The following SSR4 variants were observed in gnomAD, a reference collection of about 807,000 sequenced individuals.
SSR4 encodes signal sequence receptor subunit 4.
For missense variants in SSR4, 125 were observed against 148.8 expected (o/e 0.84, Z 0.83); for synonymous variants, 84 against 65.6 (o/e 1.28, Z -1.35).
upstream of SSR4, chrX:153,794,561 G>T (rs782683933): frequency 8.5e-7 from 1 of 1,173,853 alleles, no homozygotes; most frequent in South Asian, 1.9e-5. Flanking sequence ...TGCCAGAGAC[G>T]TCACAATGCC....
chrX:153,794,840 C>T, intron 1 of SSR4, 86 bp downstream of exon 1: 1 of 1,074,929 alleles, frequency 9.3e-7, no homozygotes, highest in Non-Finnish European at 1.3e-6. Flanking sequence ...GGGGGTCCGG[C>T]CTTTCAGGGT....
intron 1 of SSR4, 80 bp downstream of exon 1, chrX:153,794,834 G>A (rs2092129576): frequency 9.1e-7 from 1 of 1,101,364 alleles, no homozygotes; most frequent in Non-Finnish European, 1.2e-6. Flanking sequence ...GGATGCGGGG[G>A]TCCGGCCTTT....
chrX:153,794,390 G>C (rs1179521136), upstream of SSR4: 4 of 1,153,179 alleles, frequency 3.5e-6, no homozygotes, highest in East Asian at 9.7e-5. Flanking sequence ...GAGTTCGACG[G>C]GGTGCGAAGT....
intron 1 of SSR4, chrX:153,795,794 C>T (rs1452104058): frequency 5.3e-6 from 4 of 754,061 alleles, no homozygotes; most frequent in African/African-American, 2.3e-5. Context: ...CTTTGTTTCA[C>T]ACCCTCTGAT....
intron 1 of SSR4, chrX:153,795,493 G>T: frequency 6.4e-6 from 1 of 155,481 alleles, no homozygotes; most frequent in Non-Finnish European, 1.1e-5. Context: ...CTCCTCATCT[G>T]CCCCTCAGGA....
intron 1 of SSR4, chrX:153,795,562 C>A (rs974799058): frequency 2.7e-5 from 14 of 523,600 alleles, no homozygotes; most frequent in African/African-American, 2.6e-4. Context: ...TAAAACCCTT[C>A]GGGGGCTCCC....
intron 1 of SSR4, chrX:153,795,251 C>G (rs2092132514): frequency 8.4e-6 from 1 of 118,813 alleles, no homozygotes; most frequent in African/African-American, 3.2e-5. Flanking sequence ...CTTACCCTTA[C>G]CAGAGTTTTC....
At position 153,796,839 on chromosome X, in the gene SSR4, A is replaced by G. The variant is rs1603258016; in HGVS notation, c.186+287A>G. 8 of 314,574 alleles carry G rather than the reference A, an allele frequency of 2.5e-5. No homozygotes were observed. In the East Asian group the frequency reaches 4.3e-4, roughly 17 times the overall value. The allele number at this position is 314,574 out of a possible 1,213,427, so 25.9% of individuals were successfully genotyped here. ...CAGGAGTCAGCCCACCCCGGTTGCC[A>G]TTGGCCAGTTTGTCTGTGTGGGTGT... On this transcript the variant is annotated intron_variant, in intron 2 of 5. Transcript: ENST00000370086.
At chrX:153,794,854 T>C in intron 1 of SSR4, 100 bp downstream of exon 1, 1 of 1,011,704 alleles carries the variant, frequency 9.9e-7, no homozygotes, top group Non-Finnish European at 1.3e-6. Context: ...TCAGGGTCCG[T>C]CGCTGCGGGC....
chrX:153,797,366 C>T, intron 2 of SSR4, 92 bp from the exon 3 acceptor site: 1 of 836,137 alleles, frequency 1.2e-6, no homozygotes, highest in Non-Finnish European at 1.8e-6. Flanking sequence ...GCCTAGCCTG[C>T]CCACCTGCAG....
At position 153,796,557 on chromosome X, in the gene SSR4, GAC is replaced by G. The variant is rs2092142778; in HGVS notation, c.186+7_186+8del. On this transcript the variant is annotated splice_donor_region_variant and intron_variant, in intron 2 of 5. Coordinates refer to ENST00000370086, the MANE Select transcript of SSR4 (RefSeq NM_006280.3). ...ACATGCAAGAACAGGGTCCAGGTGA[GAC>G]AGTGGGGTTTCAGACAGGAGGGCGG... 1 of 1,173,338 alleles carries G rather than the reference GAC, an allele frequency of 8.5e-7. No homozygotes were observed. The highest frequency in any genetic ancestry group is 1.2e-6 in the Non-Finnish European group (1 of 862,014).
chrX:153,796,884 T>C (rs1371299896), intron 2 of SSR4: 1 of 237,202 alleles, frequency 4.2e-6, no homozygotes, highest in Non-Finnish European at 7.6e-6. Context: ...GTTTTTGTTT[T>C]TTGTTTGTTT....
At chrX:153,797,924 G>A (rs2092151758) in intron 4 of SSR4, 110 bp downstream of exon 4, 1 of 865,612 alleles carries the variant, frequency 1.2e-6, no homozygotes, top group South Asian at 2.3e-5. Context: ...CTGTGATCCT[G>A]TCCCTTCCTC....
Position 153,797,535 on chromosome X carries a change from G to C in SSR4, c.261+3G>C. ...GCCAGGATGTGGGGCGTTATCAGGTGAGGGGCCAATGGTTCCCTTGCTAGG... is the reference window on the plus strand; with the variant it reads ...GCCAGGATGTGGGGCGTTATCAGGTCAGGGGCCAATGGTTCCCTTGCTAGG... On this transcript the variant is annotated splice_donor_region_variant and intron_variant, in intron 3 of 5. Coordinates refer to ENST00000370086, the MANE Select transcript of SSR4 (RefSeq NM_006280.3). 8.3e-7 allele frequency: 1 copy of C among 1,208,561 alleles called. No homozygotes were observed. The highest frequency in any genetic ancestry group is 1.1e-6 in the Non-Finnish European group (1 of 892,349).
At chrX:153,794,866 G>A in intron 1 of SSR4, 112 bp downstream of exon 1, 2 of 946,483 alleles carry the variant, frequency 2.1e-6, no homozygotes, top group Non-Finnish European at 1.4e-6. Context: ...GCTGCGGGCC[G>A]GGCCTTCCCC....
At chrX:153,794,580 C>G (rs1557071630), upstream of SSR4, 2 of 1,185,958 alleles carry the variant, frequency 1.7e-6, no homozygotes, top group Non-Finnish European at 2.3e-6. Flanking sequence ...CCGGCCCAGC[C>G]GTTCGGTGCG....
chrX:153,794,401 T>G (rs1197078752), upstream of SSR4: 4 of 1,144,562 alleles, frequency 3.5e-6, no homozygotes, highest in Non-Finnish European at 4.6e-6. Context: ...GGTGCGAAGT[T>G]TCGGGGACAG....
chrX:153,794,647 A>G (rs375831510), upstream of SSR4: 27 of 1,210,098 alleles, frequency 2.2e-5, no homozygotes, highest in East Asian at 3.0e-5. Flanking sequence ...CCTCGTGTTC[A>G]TGGGAGCTCG....
chrX:153,794,947 C>T, intron 1 of SSR4, 193 bp downstream of exon 1: 3 of 484,764 alleles, frequency 6.2e-6, no homozygotes, highest in Non-Finnish European at 1.0e-5. Context: ...CCAGGCTTTT[C>T]CTTGTCTGCC....
Sources: allele counts gnomAD v4.1 joint callset, GRCh38; gene constraint gnomAD v4.1.1; transcripts MANE v1.5; gene names NCBI Gene and HGNC (gene_info 2026-07-23, HGNC 2026-07-21).